The following CPNE4 variants were observed in gnomAD, a reference collection of about 807,000 sequenced individuals.
The protein encoded by CPNE4 is copine 4.
CPNE4 carries 25 observed loss-of-function variants against 67.9 expected under a neutral mutation model. The observed-to-expected ratio is 0.37, with a 90% CI of 0.27 to 0.51. The LOEUF (loss-of-function observed/expected upper bound fraction) is 0.51, where lower values mean the gene tolerates loss of function less well. Ranked by LOEUF, CPNE4 falls within the 20% of genes least tolerant of loss-of-function variation. The pLI, the probability that CPNE4 is intolerant of heterozygous loss-of-function variation, is 0.93. For missense variants in CPNE4, 464 were observed against 690.8 expected, an observed-to-expected ratio of 0.67 and a Z score of 3.68; for synonymous variants, 242 against 244.9, an observed-to-expected ratio of 0.99 and a Z score of 0.11.
Position 131,694,395 on chromosome 3 carries a change from C to A in CPNE4, c.507+2147G>T, listed in dbSNP as rs988326224. ...ATAATTATATTATTTTATTCTATTTCTATCACAAAAATATTGTGGCAGTTT... is the reference window on the plus strand; with the variant it reads ...ATAATTATATTATTTTATTCTATTTATATCACAAAAATATTGTGGCAGTTT... On this transcript the variant is annotated intron_variant, in intron 5 of 15. Transcript: ENST00000429747. Among the ~76,000 whole-genome samples the A allele has an allele frequency of 2.0e-5, 3 of 152,268 alleles. No homozygotes were observed. In the East Asian group the frequency reaches 5.8e-4, roughly 29 times the overall value.
At chr3:131,898,928 C>T (rs559584392) in intron 2 of CPNE4, among the ~76,000 whole-genome samples, 1 of 152,086 alleles carries the variant, frequency 6.6e-6, no homozygotes, top group Non-Finnish European at 1.5e-5. Context: ...GAGTCTGATG[C>T]AAAATCACAG....
In CPNE4 at chr3:131,867,187, C is replaced by G. The variant is rs138183804; in HGVS notation, c.180+38077G>C. Among the ~76,000 whole-genome samples the G allele has an allele frequency of 9.4e-3, 1,428 of 152,220 alleles. 15 individuals carry two copies. The highest frequency in any genetic ancestry group is 0.012 in the Non-Finnish European group (839 of 67,986). The stretch of plus-strand genomic sequence containing the variant: ...ATTTTGAAGATAGAAATAGGTTTCC[C>G]TAATGTGGGGAAAGAGGTGTAAAGA... On this transcript the variant is annotated intron_variant, in intron 2 of 15. Coordinates refer to ENST00000429747, the MANE Select transcript of CPNE4 (RefSeq NM_130808.3).
intron 7 of CPNE4, among the ~76,000 whole-genome samples, chr3:131,644,165 T>TG (rs34136902): frequency 6.6e-6 from 1 of 151,928 alleles, no homozygotes; most frequent in African/African-American, 2.4e-5. Flanking sequence ...TTTTTTTTTT[T>TG]GAGATGGAGT....
At chr3:131,760,976 C>T (rs940724345) in intron 2 of CPNE4, among the ~76,000 whole-genome samples, 2 of 152,014 alleles carry the variant, frequency 1.3e-5, no homozygotes, top group African/African-American at 4.8e-5. Context: ...AAAGAATTCC[C>T]TGAGGGAAGA....
In CPNE4 at chr3:131,617,600, A is replaced by G. The variant is rs1940229881; in HGVS notation, c.682-30018T>C. ...AATAGAAATGCTGATCTTTATCATA[A>G]CCCTCACTTTCTTCCCATGCCACAC... On this transcript the variant is annotated intron_variant, in intron 7 of 15. Coordinates refer to ENST00000429747, the MANE Select transcript of CPNE4 (RefSeq NM_130808.3). Among the ~76,000 whole-genome samples the G allele has an allele frequency of 2.6e-5, 4 of 152,270 alleles. No homozygotes were observed. In the South Asian group the frequency reaches 8.3e-4, roughly 32 times the overall value.
intron 2 of CPNE4, among the ~76,000 whole-genome samples, chr3:131,859,372 C>G (rs1048065008): frequency 1.3e-5 from 2 of 152,192 alleles, no homozygotes; most frequent in African/African-American, 4.8e-5. Flanking sequence ...ATGCTCTTCT[C>G]TATTCAATAC....
intron 1 of CPNE4, among the ~76,000 whole-genome samples, chr3:131,980,666 T>G (rs760506992): frequency 6.6e-6 from 1 of 152,210 alleles, no homozygotes; most frequent in Non-Finnish European, 1.5e-5. Context: ...CTGATTAGCT[T>G]AATAACTAAC....
intron 3 of CPNE4, among the ~76,000 whole-genome samples, chr3:131,712,412 C>A (rs1390235925): frequency 6.6e-6 from 1 of 152,148 alleles, no homozygotes; most frequent in Non-Finnish European, 1.5e-5. Flanking sequence ...TTTTTAATCC[C>A]CTGTTGGGAC....
chr3:131,629,318 T>G (rs943850537), intron 7 of CPNE4, among the ~76,000 whole-genome samples: 8 of 152,124 alleles, frequency 5.3e-5, no homozygotes, highest in Admixed American at 5.2e-4. Flanking sequence ...GCAAAAAGAT[T>G]ATGACTCACT....
At chr3:131,956,118 A>G (rs1261326938) in intron 1 of CPNE4, among the ~76,000 whole-genome samples, 1 of 152,046 alleles carries the variant, frequency 6.6e-6, no homozygotes, top group Non-Finnish European at 1.5e-5. Context: ...TTTATATGTT[A>G]GCATTTTATT....
intron 1 of CPNE4, among the ~76,000 whole-genome samples, chr3:132,027,394 A>G (rs2074135598): frequency 6.6e-6 from 1 of 152,180 alleles, no homozygotes; most frequent in Admixed American, 6.5e-5. Context: ...ACATTCTCTT[A>G]TTCCATAAGA....
At chr3:131,851,209 G>T (rs1474115535) in intron 2 of CPNE4, among the ~76,000 whole-genome samples, 1 of 152,052 alleles carries the variant, frequency 6.6e-6, no homozygotes, top group Admixed American at 6.6e-5. Context: ...GAAAGTGAGT[G>T]ATTTATAAGG....
At chr3:131,587,108 T>C (rs927291067) in intron 8 of CPNE4, among the ~76,000 whole-genome samples, 13 of 152,200 alleles carry the variant, frequency 8.5e-5, no homozygotes, top group Non-Finnish European at 7.3e-5. Flanking sequence ...GATTGTCTCA[T>C]TTAATCTTCA....
intron 1 of CPNE4, among the ~76,000 whole-genome samples, chr3:131,916,083 C>A (rs1252153897): frequency 2.0e-5 from 3 of 152,138 alleles, no homozygotes; most frequent in Non-Finnish European, 2.9e-5. Context: ...ACAGCCCCTC[C>A]TTTTCCCGGC....
intron 2 of CPNE4, among the ~76,000 whole-genome samples, chr3:131,838,485 C>T (rs976781061): frequency 1.3e-5 from 2 of 151,226 alleles, no homozygotes; most frequent in African/African-American, 2.4e-5. Context: ...AGTTTATTTC[C>T]GTGGGTGATA....
At chr3:131,912,580 C>T (rs373911590) in intron 1 of CPNE4, among the ~76,000 whole-genome samples, 9 of 152,060 alleles carry the variant, frequency 5.9e-5, no homozygotes, top group South Asian at 2.1e-4. Context: ...AACATCCACT[C>T]GCTCAACCAG....
intron 1 of CPNE4, among the ~76,000 whole-genome samples, chr3:132,009,610 G>A (rs190903303): frequency 2.0e-5 from 3 of 152,332 alleles, no homozygotes; most frequent in Admixed American, 2.0e-4. Context: ...CAGGATGTCA[G>A]TCAGGCAGGG....
intron 1 of CPNE4, among the ~76,000 whole-genome samples, chr3:131,982,880 G>A (rs766659494): frequency 4.0e-5 from 6 of 151,780 alleles, no homozygotes; most frequent in African/African-American, 1.5e-4. Context: ...AAAATATTCT[G>A]CCTACATTAT....
chr3:131,622,049 A>T (rs1940506453), intron 7 of CPNE4, among the ~76,000 whole-genome samples: 2 of 151,854 alleles, frequency 1.3e-5, no homozygotes, highest in Admixed American at 1.3e-4. Context: ...AGAAAAGAAA[A>T]AAAGAAAAGA....
Sources: gnomAD v4.1 joint callset for allele counts (sites outside exome capture counted in the v4.1 genomes callset) on GRCh38, gnomAD v4.1.1 for gene constraint, MANE v1.5 for transcripts, NCBI Gene and HGNC (gene_info 2026-07-23, HGNC 2026-07-21) for gene names.